TJP1: variants seen among roughly 807,000 people sequenced by gnomAD.
TJP1 encodes the protein tight junction protein ZO-1.
TJP1 carries 43 observed loss-of-function variants against 194.2 expected under a neutral mutation model. The ratio of observed to expected loss-of-function variants is 0.22; its 90% CI spans 0.17 to 0.29. TJP1 has a LOEUF of 0.29. TJP1 is among the 10% of genes least tolerant of loss of function. TJP1 has a pLI of 1.00. For missense variants in TJP1, 1,971 were observed against 2,185.7 expected (o/e 0.90, Z 1.96); for synonymous variants, 801 against 779.0 (o/e 1.03, Z -0.47).
At chr15:29,776,559 G>A (rs1165282252) in intron 2 of TJP1, among the ~76,000 whole-genome samples, 1 of 152,280 alleles carries the variant, frequency 6.6e-6, no homozygotes, top group East Asian at 1.9e-4. Context: ...ACAATGTACA[G>A]TTTGAAACCA....
chr15:29,716,914 T>C lies in TJP1; in HGVS notation c.3975-76A>G, dbSNP rs1453337112. On this transcript the variant is annotated intron_variant, in intron 22 of 27. Transcript: ENST00000614355. ...TGAAGGAAGTAGAATATGTAAGTCT[T>C]ATCTTGACTAAAAGGTCAATAATTA... 4.7e-6 allele frequency: 6 copies of C among 1,276,682 alleles called. No homozygotes were observed. In the Admixed American group the frequency reaches 1.1e-4, roughly 22 times the overall value. 79.1% of individuals were successfully genotyped at this position (1,276,682 alleles called of 1,614,324 possible).
At chr15:29,900,470 G>A (rs1334778391) in intron 2 of TJP1, among the ~76,000 whole-genome samples, 1 of 152,204 alleles carries the variant, frequency 6.6e-6, no homozygotes, top group Non-Finnish European at 1.5e-5. Flanking sequence ...AACAGTACAG[G>A]TGAGAGATGA....
intron 9 of TJP1, 116 bp from the exon 10 acceptor site, chr15:29,741,552 C>CAT: frequency 1.5e-6 from 1 of 678,336 alleles, no homozygotes; most frequent in Admixed American, 2.9e-5. Flanking sequence ...ACATATCTAC[C>CAT]ATATGTATTA....
intron 1 of TJP1, among the ~76,000 whole-genome samples, chr15:29,811,122 G>A (rs953503019): frequency 6.6e-6 from 1 of 152,096 alleles, no homozygotes; most frequent in African/African-American, 2.4e-5. Context: ...AGCACAGTTT[G>A]AGAACAAGAA....
At chr15:29,728,371 G>C (rs190715169) in intron 15 of TJP1, 25 of 196,996 alleles carry the variant, frequency 1.3e-4, no homozygotes, top group Admixed American at 1.2e-3. Context: ...TATTTGTATG[G>C]CACACTGAGA....
intron 2 of TJP1, among the ~76,000 whole-genome samples, chr15:29,884,293 CATCTGT>C (rs2152139768): frequency 6.6e-6 from 1 of 152,268 alleles, no homozygotes; most frequent in South Asian, 2.1e-4. Flanking sequence ...CTCCCTGGAC[CATCTGT>C]ATCAGGACCA....
At position 29,737,411 on chromosome 15, in the gene TJP1, G is replaced by A; in HGVS notation, c.1260C>T (p.Pro420=). The stretch of plus-strand genomic sequence containing the variant: ...TTCTGAATTTTACCAATTTCATGCT[G>A]GGCCTGTTAAAACAGATATTTCATT... ...NSTHEDGILR[P]SMKLVKFRKG... Residue 420 remains proline, a synonymous_variant, in exon 11 of 28, where the codon CCC becomes CCT. Transcript: ENST00000614355. The A allele has an allele frequency of 6.2e-7, 1 of 1,614,082 alleles. No homozygotes were observed. Among genetic ancestry groups the A allele is most frequent in the Non-Finnish European group, 8.5e-7 (1 of 1,180,004 alleles).
chr15:29,715,286 C>T (rs1025736699), intron 23 of TJP1, among the ~76,000 whole-genome samples: 2 of 152,086 alleles, frequency 1.3e-5, no homozygotes, highest in African/African-American at 4.8e-5. Flanking sequence ...GTTCACAACA[C>T]TAGTACAAGA....
chr15:29,967,969 G>C, intron 1 of TJP1: 1 of 752,910 alleles, frequency 1.3e-6, no homozygotes, highest in Non-Finnish European at 1.6e-6. Context: ...GCATACCTAG[G>C]TGGCTCCTGG....
At chr15:29,834,609 T>C (rs1327154489) in intron 2 of TJP1, among the ~76,000 whole-genome samples, 1 of 152,232 alleles carries the variant, frequency 6.6e-6, no homozygotes, top group Non-Finnish European at 1.5e-5. Flanking sequence ...GAGTTAACAT[T>C]ATTCAATGAG....
chr15:29,841,269 G>A (rs1413229358), intron 2 of TJP1, among the ~76,000 whole-genome samples: 1 of 152,128 alleles, frequency 6.6e-6, no homozygotes, highest in Non-Finnish European at 1.5e-5. Context: ...CAGTTTAGTT[G>A]GGCTAGGCTA....
At chr15:29,773,854 C>T (rs150496129) in intron 2 of TJP1, among the ~76,000 whole-genome samples, 1 of 152,156 alleles carries the variant, frequency 6.6e-6, no homozygotes, top group Non-Finnish European at 1.5e-5. Flanking sequence ...GAATATAATG[C>T]CTTGTGCACA....
At chr15:29,805,433 G>A (rs2049047434) in intron 1 of TJP1, among the ~76,000 whole-genome samples, 1 of 152,112 alleles carries the variant, frequency 6.6e-6, no homozygotes, top group African/African-American at 2.4e-5. Flanking sequence ...AAGATATAAA[G>A]TATACTCCAA....
rs558359801 is a variant in TJP1 at position 29,939,926 on chromosome 15, C to G, written c.306+16306G>C. On this transcript the variant is annotated intron_variant, in intron 2 of 28. Transcript: ENST00000356107. ...AGAAATAAACTTCTGTTGTTTATAACCCCCCAACCCCCCAGTTTATGATAT... is the reference window on the plus strand; with the variant it reads ...AGAAATAAACTTCTGTTGTTTATAAGCCCCCAACCCCCCAGTTTATGATAT... Among the ~76,000 whole-genome samples, 33 of 152,208 alleles carry G rather than the reference C, an allele frequency of 2.2e-4. No individual in the cohort carries two copies. In the East Asian group the frequency reaches 2.3e-3, roughly 11 times the overall value.
chr15:29,966,130 A>G (rs1438356581), intron 1 of TJP1, among the ~76,000 whole-genome samples: 1 of 152,218 alleles, frequency 6.6e-6, no homozygotes, highest in African/African-American at 2.4e-5. Context: ...AAAATAATAA[A>G]TATAGTTTCC....
Position 29,716,675 on chromosome 15 carries a change from G to A in TJP1, c.4138C>T (p.Leu1380Phe), listed in dbSNP as rs750847530. 1 of 1,614,118 alleles carries A rather than the reference G, an allele frequency of 6.2e-7. No individual in the cohort carries two copies. Among genetic ancestry groups the A allele is most frequent in the Non-Finnish European group, 8.5e-7 (1 of 1,179,984 alleles). The change falls in exon 23 of 28, where the codon CTC (leucine) becomes TTC (phenylalanine). Residue 1380 changes from leucine to phenylalanine, a missense_variant. Physicochemically the swap from Leu to Phe is conservative, Grantham distance 22. Coordinates refer to ENST00000614355, the MANE Select transcript of TJP1 (RefSeq NM_001330239.4). ...KPPAHIAASHLSEPAKPAHSQ... is the reference protein window; with the variant it reads ...KPPAHIAASHFSEPAKPAHSQ... ...TGCGCTGGCTTTGCAGGCTCGGAGA[G>A]ATGGCTGGCGGCAATGTGTGCAGGA...
At chr15:29,932,549 T>C (rs2054754935) in intron 2 of TJP1, among the ~76,000 whole-genome samples, 1 of 151,830 alleles carries the variant, frequency 6.6e-6, no homozygotes, top group South Asian at 2.1e-4. Flanking sequence ...AGAACATCTT[T>C]ATGACCTGGA....
chr15:29,909,450 C>G (rs2053947554), intron 2 of TJP1, among the ~76,000 whole-genome samples: 1 of 151,870 alleles, frequency 6.6e-6, no homozygotes. Context: ...TTGCAGCTAT[C>G]CCATGAAGAC....
intron 2 of TJP1, among the ~76,000 whole-genome samples, chr15:29,921,187 C>T (rs1465915976): frequency 6.6e-6 from 1 of 152,126 alleles, no homozygotes; most frequent in Non-Finnish European, 1.5e-5. Flanking sequence ...TTCAACAACC[C>T]AGCCTCAAGC....
Sources: allele counts gnomAD v4.1 joint callset (sites outside exome capture counted in the v4.1 genomes callset), GRCh38; gene constraint gnomAD v4.1.1; transcripts MANE v1.5; gene names NCBI Gene and HGNC (gene_info 2026-07-23, HGNC 2026-07-21).